KANSL1: variants seen among roughly 807,000 people sequenced by gnomAD.
The protein encoded by KANSL1 is MLL1/MLL complex subunit KANSL1.
In KANSL1, 22 loss-of-function variants were observed where a neutral mutation model predicts 103.6. The observed-to-expected ratio is 0.21, with a 90% confidence interval of 0.15 to 0.30. KANSL1 has a LOEUF of 0.30. Among genes scored for constraint, KANSL1 ranks in the 10% least tolerant of loss-of-function variants. KANSL1 has a pLI of 1.00. For missense variants in KANSL1, 1,337 were observed against 1,399.8 expected, an observed-to-expected ratio of 0.96 and a Z score of 0.72; for synonymous variants, 600 against 527.6, an observed-to-expected ratio of 1.14 and a Z score of -1.88.
chr17:46,119,391 T>G (rs2043184859), intron 2 of KANSL1, among the ~76,000 whole-genome samples: 1 of 151,324 alleles, frequency 6.6e-6, no homozygotes, highest in African/African-American at 2.4e-5. Flanking sequence ...CACTGCAACC[T>G]CCGCTTCCCA....
At chr17:46,062,187 C>G (rs529097520) in intron 6 of KANSL1, among the ~76,000 whole-genome samples, 1 of 149,192 alleles carries the variant, frequency 6.7e-6, no homozygotes, top group East Asian at 2.0e-4. Context: ...CTTCTCTGCT[C>G]AAAAATTTAA....
At chr17:46,218,808 A>G (rs1353250802) in intron 1 of KANSL1, among the ~76,000 whole-genome samples, 3 of 152,190 alleles carry the variant, frequency 2.0e-5, no homozygotes, top group African/African-American at 4.8e-5. Context: ...TAGTAATTAC[A>G]ATAAGAACAG....
intron 2 of KANSL1, among the ~76,000 whole-genome samples, chr17:46,162,683 C>A (rs1481946718): frequency 6.6e-6 from 1 of 152,210 alleles, no homozygotes; most frequent in Non-Finnish European, 1.5e-5. Flanking sequence ...AACTGGTTAG[C>A]CTAAATTCAC....
intron 1 of KANSL1, among the ~76,000 whole-genome samples, chr17:46,218,779 T>A (rs578090814): frequency 6.7e-6 from 1 of 148,516 alleles, no homozygotes; most frequent in Non-Finnish European, 1.5e-5. Context: ...CAAGACTCCA[T>A]CTCAAAAAAA....
At chr17:46,164,431 T>C (rs62060884) in intron 2 of KANSL1, among the ~76,000 whole-genome samples, 17,444 of 150,536 alleles carry the variant, frequency 0.12, no homozygotes, top group Non-Finnish European at 0.18. Context: ...ATGTGCAGAT[T>C]AGGAGAAAAG....
At chr17:46,136,512 C>T (rs2044151887) in intron 2 of KANSL1, among the ~76,000 whole-genome samples, 1 of 152,240 alleles carries the variant, frequency 6.6e-6, no homozygotes, top group Admixed American at 6.5e-5. Context: ...AGAAATTTGG[C>T]ATAATCAGCA....
Position 46,114,671 on chromosome 17 carries a change from C to G in KANSL1, c.1290-19970G>C, listed in dbSNP as rs142257620. 9.2e-5 allele frequency among the ~76,000 whole-genome samples: 14 copies of G among 152,306 alleles called. 1 individual carries two copies. The East Asian group carries it at 2.7e-3, about 29-fold the overall frequency. ...AAAGACATATACACTCTTGATAGAGCTATATTAGGAAATGGCAATGGCTAA... is the reference window on the plus strand; with the variant it reads ...AAAGACATATACACTCTTGATAGAGGTATATTAGGAAATGGCAATGGCTAA... On this transcript the variant is annotated intron_variant, in intron 2 of 14. Coordinates refer to ENST00000432791, the MANE Select transcript of KANSL1 (RefSeq NM_015443.4).
At chr17:46,122,612 T>C (rs1266349030) in intron 2 of KANSL1, among the ~76,000 whole-genome samples, 2 of 152,190 alleles carry the variant, frequency 1.3e-5, no homozygotes, top group Admixed American at 6.5e-5. Flanking sequence ...GCAGATGCTG[T>C]TTTAAAAAAA....
intron 4 of KANSL1, among the ~76,000 whole-genome samples, chr17:46,078,932 C>T (rs528345820): frequency 1.9e-4 from 29 of 152,278 alleles, no homozygotes; most frequent in East Asian, 9.7e-4. Context: ...CACGACTTAT[C>T]GGCAGCTACC....
intron 6 of KANSL1, among the ~76,000 whole-genome samples, chr17:46,066,108 T>C (rs1454358642): frequency 6.6e-6 from 1 of 152,204 alleles, no homozygotes; most frequent in African/African-American, 2.4e-5. Flanking sequence ...TCCTCCCGCC[T>C]TGGCCTCCCG....
chr17:46,138,169 A>ATT (rs2044247686), intron 2 of KANSL1, among the ~76,000 whole-genome samples: 1 of 152,224 alleles, frequency 6.6e-6, no homozygotes, highest in Non-Finnish European at 1.5e-5. Flanking sequence ...AGTTCCCAAA[A>ATT]TAGGAAACTT....
intron 1 of KANSL1, among the ~76,000 whole-genome samples, chr17:46,213,124 C>T (rs2048214511): frequency 6.8e-6 from 1 of 148,128 alleles, no homozygotes; most frequent in Admixed American, 6.8e-5. Flanking sequence ...ATCAAGTGCC[C>T]AGTAAAAAAA....
chr17:46,157,179 A>G (rs1172349470), intron 2 of KANSL1, among the ~76,000 whole-genome samples: 2 of 152,238 alleles, frequency 1.3e-5, no homozygotes, highest in Non-Finnish European at 2.9e-5. Context: ...CTCAATGATG[A>G]CACATTTTAG....
rs1331162318 is a variant in KANSL1 at position 46,031,596 on chromosome 17, G to C, written c.3198C>G (p.Arg1066=). The C allele has an allele frequency of 2.5e-6, 4 of 1,614,158 alleles. No homozygotes were observed. The highest frequency in any genetic ancestry group is 3.4e-6 in the Non-Finnish European group (4 of 1,180,022). Residue 1066 remains arginine (R), a synonymous_variant, in exon 15 of 15, where the codon CGC becomes CGG. Transcript: ENST00000432791. ...AQERAARCTR[R]TSGSKTGRET... ...CCCGGCCAGTCTTGCTGCCTGAGGT[G>C]CGTCGAGTGCAGCGGGCTGCTCGCT...
At chr17:46,107,131 G>A (rs1230007008) in intron 2 of KANSL1, among the ~76,000 whole-genome samples, 2 of 152,230 alleles carry the variant, frequency 1.3e-5, no homozygotes, top group Admixed American at 6.5e-5. Flanking sequence ...GAGCATCTCA[G>A]ACAGGCTCAT....
chr17:46,159,774 T>C (rs921701119), intron 2 of KANSL1, among the ~76,000 whole-genome samples: 3 of 152,218 alleles, frequency 2.0e-5, no homozygotes, highest in Non-Finnish European at 4.4e-5. Flanking sequence ...ATATAAATCA[T>C]CCCTTTCGAA....
intron 1 of KANSL1, among the ~76,000 whole-genome samples, chr17:46,218,105 C>T (rs1446138842): frequency 1.3e-5 from 2 of 152,226 alleles, no homozygotes; most frequent in Non-Finnish European, 2.9e-5. Flanking sequence ...AGAAGAGAGG[C>T]TTGAAACAGA....
intron 3 of KANSL1, among the ~76,000 whole-genome samples, chr17:46,091,957 C>T (rs1296284891): frequency 2.0e-5 from 3 of 152,178 alleles, no homozygotes; most frequent in Non-Finnish European, 4.4e-5. Context: ...GCTGGGATTA[C>T]AGGCACCCGC....
intron 6 of KANSL1, among the ~76,000 whole-genome samples, chr17:46,059,869 AT>A (rs371062467): frequency 2.6e-5 from 4 of 151,310 alleles, no homozygotes; most frequent in African/African-American, 9.7e-5. Context: ...TGGCTTTTTT[AT>A]TTTTGAGATG....
Sources: allele counts gnomAD v4.1 joint callset (sites outside exome capture counted in the v4.1 genomes callset), GRCh38; gene constraint gnomAD v4.1.1; transcripts MANE v1.5; gene names NCBI Gene and HGNC (gene_info 2026-07-23, HGNC 2026-07-21).